Variants in RNF216 observed in about 807,000 individuals in gnomAD.
RNF216 encodes ring finger protein 216.
RNF216 carries 72 observed loss-of-function variants against 110.8 expected under a neutral mutation model. The observed-to-expected ratio is 0.65, with a 90% CI of 0.54 to 0.79. The LOEUF (loss-of-function observed/expected upper bound fraction) is 0.79, where lower values mean the gene tolerates loss of function less well. RNF216 is among the 30% of genes least tolerant of loss of function. RNF216 has a pLI of 0.00. For missense variants in RNF216, 1,342 were observed against 1,141.2 expected (o/e 1.18, Z -2.54); for synonymous variants, 495 against 407.5 (o/e 1.21, Z -2.59).
intron 3 of RNF216, among the ~76,000 whole-genome samples, chr7:5,746,833 G>C (rs576016839): frequency 1.3e-5 from 2 of 152,300 alleles, no homozygotes; most frequent in South Asian, 4.1e-4. Flanking sequence ...GAATGTTCCA[G>C]ATGAAAAAGA....
rs993874797 is a variant in RNF216, at chr7:5,680,731, G to A, written c.2062-28221C>T. 1.3e-5 allele frequency among the ~76,000 whole-genome samples: 2 copies of A among 151,950 alleles called. No homozygotes were observed. The highest frequency in any genetic ancestry group is 2.9e-5 in the Non-Finnish European group (2 of 67,998). ...ACACTTCTACTTGGATATCTAAAAG[G>A]CACCCCAGACAAAAGATGTCTGAAG... is the stretch of plus-strand genomic sequence containing the variant. On this transcript the variant is annotated intron_variant, in intron 13 of 16. Coordinates refer to ENST00000389902, the MANE Select transcript of RNF216 (RefSeq NM_207111.4). This position sits in a 1 kb window ranked among gnomAD's most constrained non-coding sequence, Gnocchi z 4.3.
At chr7:5,659,383 G>T (rs1051106839) in intron 13 of RNF216, among the ~76,000 whole-genome samples, 2 of 152,112 alleles carry the variant, frequency 1.3e-5, no homozygotes. Flanking sequence ...AGGAGGAGTC[G>T]GCCAGGTATG....
rs1032726225 is a variant in RNF216 at position 5,624,832 on chromosome 7, C to T, written c.2383-707G>A. Among the ~76,000 whole-genome samples, 1 of 152,244 alleles carries T rather than the reference C, an allele frequency of 6.6e-6. No homozygotes were observed. Among genetic ancestry groups the T allele is most frequent in the Non-Finnish European group, 1.5e-5 (1 of 68,040 alleles). On this transcript the variant is annotated intron_variant, in intron 15 of 16. Coordinates refer to ENST00000389902, the MANE Select transcript of RNF216 (RefSeq NM_207111.4). The surrounding 1 kb of genome is among the most constrained non-coding windows in gnomAD (Gnocchi z 4.4). The stretch of plus-strand genomic sequence containing the variant: ...GAGCTGTGCTGGGAAACTCAGGGGC[C>T]ACACTGGGCAAGCCCCAGAGGTTGG...
chr7:5,643,696 A>G (rs1787880659), intron 14 of RNF216, among the ~76,000 whole-genome samples: 1 of 152,144 alleles, frequency 6.6e-6, no homozygotes, highest in South Asian at 2.1e-4. Flanking sequence ...CATAAAATTG[A>G]CTTTTTAAAC....
Position 5,729,482 on chromosome 7 carries a change from T to C in RNF216, c.1339A>G (p.Ile447Val). Residue 447 changes from isoleucine (I) to valine (V), a missense_variant, in exon 7 of 17, where the codon ATC (isoleucine) becomes GTC (valine). Coordinates refer to ENST00000389902, the MANE Select transcript of RNF216 (RefSeq NM_207111.4). ...TTGAGCTCGTGCAGGGCCCACTTGA[T>C]GTCCTGACTACTGAGCACTTTGAAG... The part of the protein sequence containing the change: ...ADFKVLSSQD[I>V]KWALHELKGH... 6.2e-7 allele frequency: 1 copy of C among 1,614,202 alleles called. No homozygotes were observed. Among genetic ancestry groups the C allele is most frequent in the Non-Finnish European group, 8.5e-7 (1 of 1,180,024 alleles).
chr7:5,650,376 G>A (rs894230974), intron 14 of RNF216, among the ~76,000 whole-genome samples: 7 of 152,166 alleles, frequency 4.6e-5, no homozygotes, highest in Non-Finnish European at 8.8e-5. Flanking sequence ...GAACCGATAG[G>A]ACAATCAGAA....
chr7:5,720,837 T>A (rs1168729826), intron 9 of RNF216, among the ~76,000 whole-genome samples, 196 bp downstream of exon 9: 3 of 152,228 alleles, frequency 2.0e-5, no homozygotes, highest in African/African-American at 7.2e-5. Flanking sequence ...TTTTCTAACA[T>A]GAATCTGATT....
At chr7:5,682,366 A>C (rs928440860) in intron 13 of RNF216, among the ~76,000 whole-genome samples, 1 of 151,804 alleles carries the variant, frequency 6.6e-6, no homozygotes, top group African/African-American at 2.4e-5. Flanking sequence ...GGAGCAGCCA[A>C]TCTCTGGCCT....
chr7:5,706,219 C>CAAAA (rs56894423), intron 13 of RNF216, among the ~76,000 whole-genome samples: 2 of 70,700 alleles, frequency 2.8e-5, no homozygotes, highest in Non-Finnish European at 3.4e-5. Context: ...CACTCCATCT[C>CAAAA]AAAAAAAAAA....
At chr7:5,672,322 GT>G (rs1789970670) in intron 13 of RNF216, among the ~76,000 whole-genome samples, 1 of 152,208 alleles carries the variant, frequency 6.6e-6, no homozygotes. Context: ...TAATCTTGTA[GT>G]TATATCAGTT....
At chr7:5,682,363 C>T (rs1790711754) in intron 13 of RNF216, among the ~76,000 whole-genome samples, 1 of 152,080 alleles carries the variant, frequency 6.6e-6, no homozygotes, top group Non-Finnish European at 1.5e-5. Flanking sequence ...CTTGGAGCAG[C>T]CAATCTCTGG....
intron 7 of RNF216, among the ~76,000 whole-genome samples, chr7:5,726,973 G>A (rs564214088): frequency 2.6e-5 from 4 of 152,266 alleles, no homozygotes; most frequent in South Asian, 4.1e-4. Flanking sequence ...CCGCCTGCAA[G>A]AGAAGAAGGA....
Position 5,641,194 on chromosome 7 carries a change from C to CAAGGGGCTCCTGGT in RNF216, c.2328_2341dup (p.Cys781TyrfsTer182). Reference sequence around the variant, plus strand: ...GAGAGAGCATCTTGAACACTCCTGGCAAGGGGCTCCTGGTGAGCGGGGATG... The same window carrying CAAGGGGCTCCTGGT: ...GAGAGAGCATCTTGAACACTCCTGGCAAGGGGCTCCTGGTAAGGGGCTCCTGGTGAGCGGGGATG... On this transcript the variant is annotated frameshift_variant, in exon 15 of 17. Transcript: ENST00000389902. LOFTEE classifies it high-confidence loss of function. 1 of 1,614,128 alleles carries CAAGGGGCTCCTGGT rather than the reference C, an allele frequency of 6.2e-7. No homozygotes were observed. Among genetic ancestry groups the CAAGGGGCTCCTGGT allele is most frequent in the Non-Finnish European group, 8.5e-7 (1 of 1,180,018 alleles).
intron 15 of RNF216, among the ~76,000 whole-genome samples, chr7:5,629,281 A>T (rs975667266): frequency 6.6e-6 from 1 of 151,628 alleles, no homozygotes; most frequent in Non-Finnish European, 1.5e-5. Flanking sequence ...TTTTCAGACC[A>T]GCAAGGGCAA....
intron 13 of RNF216, among the ~76,000 whole-genome samples, chr7:5,678,789 G>A (rs77457438): frequency 8.9e-4 from 135 of 152,328 alleles, no homozygotes; most frequent in African/African-American, 3.2e-3. Context: ...AGAAGGTGAC[G>A]GAGCAGATTT....
At chr7:5,646,312 G>A (rs1788044702) in intron 14 of RNF216, among the ~76,000 whole-genome samples, 1 of 151,896 alleles carries the variant, frequency 6.6e-6, no homozygotes, top group South Asian at 2.1e-4. Context: ...AGGTTGCAGT[G>A]AGCTGAGATC....
chr7:5,721,222 A>T, intron 8 of RNF216, 50 bp from the exon 9 acceptor site: 1 of 1,560,322 alleles, frequency 6.4e-7, no homozygotes, highest in Non-Finnish European at 8.8e-7. Context: ...ATGTGTTAGG[A>T]ACCTGGGCCA....
In RNF216 at chr7:5,752,886, T is replaced by C. The variant is rs373969635; in HGVS notation, c.161A>G (p.His54Arg). The change falls in exon 3 of 17, where the codon CAT (histidine) becomes CGT (arginine). Residue 54 changes from histidine (H) to arginine (R), a missense_variant. Coordinates refer to ENST00000389902, the MANE Select transcript of RNF216 (RefSeq NM_207111.4). ...PMLVTPAPQQ[H>R]EEEDLDDDVI... ...ATCATCATCCAGGTCCTCTTCTTCA[T>C]GCTGCTGAGGAGCTGGGGTGACCAG... 202 of 1,612,702 alleles carry C rather than the reference T, an allele frequency of 1.3e-4. No individual in the cohort carries two copies. Among genetic ancestry groups the C allele is most frequent in the Non-Finnish European group, 1.7e-4 (196 of 1,179,480 alleles).
At chr7:5,713,981 G>A (rs1159680019) in intron 11 of RNF216, among the ~76,000 whole-genome samples, 1 of 152,098 alleles carries the variant, frequency 6.6e-6, no homozygotes, top group African/African-American at 2.4e-5. Context: ...CAAAGGTCAC[G>A]CTCTTTGAAA....
Sources: allele counts gnomAD v4.1 joint callset (sites outside exome capture counted in the v4.1 genomes callset), GRCh38; gene constraint gnomAD v4.1.1; non-coding constraint Gnocchi (gnomAD v3.1); transcripts MANE v1.5; gene names NCBI Gene and HGNC (gene_info 2026-07-23, HGNC 2026-07-21).